CALN1: variants seen among roughly 807,000 people sequenced by gnomAD.
CALN1 encodes calneuron 1, also known as calcium-binding protein 8.
In CALN1, 17 loss-of-function variants were observed where a neutral mutation model predicts 30.6. The ratio of observed to expected loss-of-function variants is 0.56; its 90% CI spans 0.38 to 0.83. CALN1 has a LOEUF of 0.83. CALN1 is among the 40% of genes least tolerant of loss of function. The pLI is 0.00. For synonymous variants in CALN1, 156 were observed against 131.4 expected, an observed-to-expected ratio of 1.19 and a Z score of -1.28; for missense variants, 291 against 354.9, an observed-to-expected ratio of 0.82 and a Z score of 1.45.
intron 5 of CALN1, among the ~76,000 whole-genome samples, chr7:71,823,658 C>T (rs1419186134): frequency 6.6e-6 from 1 of 151,750 alleles, no homozygotes; most frequent in Non-Finnish European, 1.5e-5. Context: ...GTGGAAGTTG[C>T]AGTGAGCCGA....
intron 5 of CALN1, among the ~76,000 whole-genome samples, chr7:71,989,270 T>C (rs1417045348): frequency 1.3e-5 from 2 of 152,032 alleles, no homozygotes; most frequent in African/African-American, 4.8e-5. Context: ...AAACCCCGTC[T>C]CTACTAAAAA....
intron 2 of CALN1, among the ~76,000 whole-genome samples, chr7:72,363,032 T>C (rs1803659013): frequency 1.3e-5 from 2 of 152,308 alleles, no homozygotes; most frequent in East Asian, 3.9e-4. Context: ...TGTTCTTTTT[T>C]TAATTTAACT....
intron 5 of CALN1, among the ~76,000 whole-genome samples, chr7:71,825,022 C>T (rs1788829626): frequency 6.6e-6 from 1 of 152,224 alleles, no homozygotes; most frequent in Admixed American, 6.5e-5. Flanking sequence ...GTCAGTAGAT[C>T]TGCATAACTT....
intron 3 of CALN1, among the ~76,000 whole-genome samples, chr7:72,164,045 T>C (rs1271423832): frequency 6.6e-6 from 1 of 152,134 alleles, no homozygotes; most frequent in Non-Finnish European, 1.5e-5. Context: ...GGATGGACTC[T>C]AATCCAACAA....
intron 5 of CALN1, among the ~76,000 whole-genome samples, chr7:71,895,250 C>T (rs550670227): frequency 1.3e-5 from 2 of 152,164 alleles, no homozygotes; most frequent in East Asian, 1.9e-4. Context: ...CCATTGTGCC[C>T]GGCCTTGAAT....
chr7:71,808,385 T>G (rs958661976), intron 6 of CALN1, among the ~76,000 whole-genome samples: 6 of 151,476 alleles, frequency 4.0e-5, no homozygotes, highest in African/African-American at 1.5e-4. Flanking sequence ...TAATAATTAT[T>G]TTATAACAAT....
chr7:72,190,367 C>T (rs527609696), intron 3 of CALN1, among the ~76,000 whole-genome samples: 1 of 152,238 alleles, frequency 6.6e-6, no homozygotes, highest in South Asian at 2.1e-4. Flanking sequence ...CAAGAAAAAG[C>T]TTCAGCAGGT....
chr7:72,493,748 T>C, the CALN1 span, among the ~76,000 whole-genome samples: 6 of 152,244 alleles, frequency 3.9e-5, no homozygotes, highest in African/African-American at 1.4e-4. Context: ...AAATTCTATT[T>C]ACCCAAGTTT....
intron 2 of CALN1, among the ~76,000 whole-genome samples, chr7:72,329,820 G>A (rs1801540198): frequency 6.6e-6 from 1 of 152,008 alleles, no homozygotes; most frequent in South Asian, 2.1e-4. Context: ...TGGGCGTGGT[G>A]CCACGCACCT....
intron 3 of CALN1, among the ~76,000 whole-genome samples, chr7:72,186,968 A>G (rs1003499634): frequency 1.4e-5 from 2 of 142,348 alleles, no homozygotes; most frequent in Non-Finnish European, 3.0e-5. Context: ...GTTCTGTAAG[A>G]TGATATTATG....
At chr7:71,895,399 C>T (rs1209878022) in intron 5 of CALN1, among the ~76,000 whole-genome samples, 1 of 151,604 alleles carries the variant, frequency 6.6e-6, no homozygotes, top group Non-Finnish European at 1.5e-5. Flanking sequence ...TTTAATTGTT[C>T]CTCTTGTTTT....
chr7:71,932,264 C>T (rs2129520644), intron 5 of CALN1, among the ~76,000 whole-genome samples: 1 of 152,270 alleles, frequency 6.6e-6, no homozygotes, highest in South Asian at 2.1e-4. Context: ...CAACCCCCAA[C>T]TCTTGCGCTG....
chr7:72,402,576 ACCCAGAGTTGAAATTC>A (rs545804647), intron 2 of CALN1, among the ~76,000 whole-genome samples: 1 of 152,236 alleles, frequency 6.6e-6, no homozygotes, highest in East Asian at 1.9e-4. Flanking sequence ...ACCAAACCAC[ACCCAGAGTTGAAATTC>A]CTCTTGAGTT....
At chr7:72,120,408 C>A (rs1209220148) in intron 3 of CALN1, among the ~76,000 whole-genome samples, 1 of 152,056 alleles carries the variant, frequency 6.6e-6, no homozygotes, top group Non-Finnish European at 1.5e-5. Context: ...GATCAGTATT[C>A]CATCCTATGG....
At chr7:72,388,700 C>G (rs1267793862) in intron 2 of CALN1, among the ~76,000 whole-genome samples, 1 of 151,404 alleles carries the variant, frequency 6.6e-6, no homozygotes, top group African/African-American at 2.4e-5. Flanking sequence ...CCTAAAAATG[C>G]AGAGAGAGAG....
chr7:72,219,115 T>C (rs569692101), intron 3 of CALN1, among the ~76,000 whole-genome samples: 2 of 152,324 alleles, frequency 1.3e-5, no homozygotes, highest in East Asian at 1.9e-4. Flanking sequence ...CACTCAGCCA[T>C]TCTATTTCTC....
At chr7:71,893,189 A>G (rs974810506) in intron 5 of CALN1, among the ~76,000 whole-genome samples, 1 of 152,114 alleles carries the variant, frequency 6.6e-6, no homozygotes, top group African/African-American at 2.4e-5. Flanking sequence ...ATGTCTAGAG[A>G]TATTTTTGGT....
chr7:72,414,577 G>A (rs1807363792), upstream of CALN1, among the ~76,000 whole-genome samples: 1 of 152,220 alleles, frequency 6.6e-6, no homozygotes, highest in Non-Finnish European at 1.5e-5. Context: ...TGGAAGTCCA[G>A]TGTTGGCCCC....
chr7:72,093,173 T>C (rs1326824470), intron 4 of CALN1, among the ~76,000 whole-genome samples: 1 of 152,218 alleles, frequency 6.6e-6, no homozygotes, highest in African/African-American at 2.4e-5. Flanking sequence ...ATTGCCACTT[T>C]TCACCATCAT....
Sources: gnomAD v4.1 joint callset for allele counts (sites outside exome capture counted in the v4.1 genomes callset) on GRCh38, gnomAD v4.1.1 for gene constraint, MANE v1.5 for transcripts, NCBI Gene and HGNC (gene_info 2026-07-23, HGNC 2026-07-21) for gene names.